The following ATP10A variants were observed in gnomAD, a reference collection of about 807,000 sequenced individuals.
The protein encoded by ATP10A is phospholipid-transporting ATPase VA.
ATP10A carries 111 observed loss-of-function variants against 147.8 expected under a neutral mutation model. The observed-to-expected ratio is 0.75, with a 90% CI of 0.64 to 0.88. The LOEUF is 0.88. ATP10A is among the 40% of genes least tolerant of loss of function. The probability of loss-of-function intolerance (pLI) is 0.00; values close to 1 mark genes in which losing one functional copy is unlikely to be tolerated. For synonymous variants in ATP10A, 875 were observed against 841.6 expected (o/e 1.04, Z -0.69); for missense variants, 1,927 against 1,959.0 (o/e 0.98, Z 0.31).
At chr15:25,725,378 T>G (rs1902481186) in intron 5 of ATP10A, among the ~76,000 whole-genome samples, 1 of 152,188 alleles carries the variant, frequency 6.6e-6, no homozygotes, top group Non-Finnish European at 1.5e-5. Flanking sequence ...CCAATACTAT[T>G]CCACTTCATG....
At chr15:25,735,559 A>T (rs1887221419) in intron 3 of ATP10A, among the ~76,000 whole-genome samples, 1 of 152,094 alleles carries the variant, frequency 6.6e-6, no homozygotes, top group Non-Finnish European at 1.5e-5. Context: ...TTTCCCCCAA[A>T]CTAGAATGAA....
chr15:25,846,296 A>G (rs1304206353), intron 1 of ATP10A, among the ~76,000 whole-genome samples: 1 of 152,184 alleles, frequency 6.6e-6, no homozygotes, highest in African/African-American at 2.4e-5. Flanking sequence ...AAAGGGTTAA[A>G]TGGCTAATTT....
intron 20 of ATP10A, 50 bp downstream of exon 20, chr15:25,680,071 C>A (rs764241498): frequency 1.3e-6 from 2 of 1,596,522 alleles, no homozygotes; most frequent in African/African-American, 1.3e-5. Context: ...ATGCCAATGT[C>A]GTCTGGGCTC....
intron 15 of ATP10A, among the ~76,000 whole-genome samples, chr15:25,689,376 C>T (rs1405028178): frequency 6.6e-6 from 1 of 152,186 alleles, no homozygotes; most frequent in African/African-American, 2.4e-5. Flanking sequence ...GACAGAACTT[C>T]CCAGGAGCTG....
chr15:25,859,900 A>G (rs557707806), intron 1 of ATP10A, among the ~76,000 whole-genome samples: 2 of 152,256 alleles, frequency 1.3e-5, no homozygotes, highest in South Asian at 4.2e-4. Context: ...ACTTCCAGCT[A>G]AAGTCTGCTC....
intron 13 of ATP10A, among the ~76,000 whole-genome samples, chr15:25,699,623 C>CT (rs1209844991): frequency 6.6e-6 from 1 of 152,158 alleles, no homozygotes; most frequent in Non-Finnish European, 1.5e-5. Context: ...AATCTCAGCA[C>CT]TTTGAGAGGC....
chr15:25,748,574 A>G (rs1415143792), intron 2 of ATP10A, among the ~76,000 whole-genome samples: 2 of 152,110 alleles, frequency 1.3e-5, no homozygotes, highest in East Asian at 1.9e-4. Flanking sequence ...CCCTTTACAC[A>G]TTGTATCAGG....
In ATP10A at chr15:25,730,313, A is replaced by G. The variant is rs1411613144; in HGVS notation, c.741-3047T>C. Among the ~76,000 whole-genome samples, 9 of 2,630 alleles carry G rather than the reference A, an allele frequency of 3.4e-3. 4 individuals are homozygous for G. Among genetic ancestry groups the G allele is most frequent in the Admixed American group, 8.1e-3 (2 of 246 alleles). The allele number at this position is 2,630 out of a possible 152,430, so 1.7% of individuals were successfully genotyped here. ...TGAGACTCTGTCTCAAAAAAAAAAA[A>G]AAAAAAAAAAAAAAAGAAGAAAGAA... On this transcript the variant is annotated intron_variant, in intron 3 of 20. Coordinates refer to ENST00000555815, the MANE Select transcript of ATP10A (RefSeq NM_024490.4).
At chr15:25,851,988 C>G (rs572325486) in intron 1 of ATP10A, among the ~76,000 whole-genome samples, 10 of 152,290 alleles carry the variant, frequency 6.6e-5, no homozygotes, top group African/African-American at 2.2e-4. Context: ...GCAGTTGTAA[C>G]AGGAATACTA....
Position 25,721,648 on chromosome 15 carries a change from C to T in ATP10A, c.1363+9G>A, listed in dbSNP as rs940314286. 1 of 1,610,352 alleles carries T rather than the reference C, an allele frequency of 6.2e-7. No homozygotes were observed. The highest frequency in any genetic ancestry group is 1.3e-5 in the African/African-American group (1 of 74,948). ...GCCTGGGTTGGGAGCCCCGCACCCC[C>T]AGACTCACCATTTGCATCATGAGAA... On this transcript the variant is annotated intron_variant, in intron 7 of 20. Coordinates refer to ENST00000555815, the MANE Select transcript of ATP10A (RefSeq NM_024490.4).
At chr15:25,687,914 C>G (rs189311119) in intron 15 of ATP10A, 86 bp from the exon 16 acceptor site, 3 of 1,583,618 alleles carry the variant, frequency 1.9e-6, no homozygotes, top group Non-Finnish European at 2.6e-6. Context: ...AGGTACACAA[C>G]AGGGAAGGAA....
At position 25,694,806 on chromosome 15, in the gene ATP10A, C is replaced by T; in HGVS notation, c.3088+13G>A. ...AGCTGGGAGGAGGCCGTCTGGCCAG[C>T]TGGGATACTTGCCTATGGCCAGGGT... On this transcript the variant is annotated intron_variant, in intron 14 of 20. Transcript: ENST00000555815. The T allele has an allele frequency of 6.3e-7, 1 of 1,595,120 alleles. No homozygotes were observed. The highest frequency in any genetic ancestry group is 8.6e-7 in the Non-Finnish European group (1 of 1,168,122).
At chr15:25,780,186 G>C (rs1247048700) in intron 2 of ATP10A, among the ~76,000 whole-genome samples, 3 of 152,254 alleles carry the variant, frequency 2.0e-5, no homozygotes, top group African/African-American at 7.2e-5. Context: ...AGGCCGATGG[G>C]GGAGGGCACT....
chr15:25,716,648 G>A, intron 9 of ATP10A, 82 bp downstream of exon 9: 2 of 1,350,504 alleles, frequency 1.5e-6, no homozygotes, highest in Non-Finnish European at 2.0e-6. Context: ...AAAGGGAAGG[G>A]CGCCTGCCCT....
intron 13 of ATP10A, among the ~76,000 whole-genome samples, chr15:25,699,814 G>A (rs1900563859): frequency 6.6e-6 from 1 of 152,140 alleles, no homozygotes; most frequent in Admixed American, 6.5e-5. Flanking sequence ...GCTGTAATGA[G>A]TTGCGATGGC....
chr15:25,780,895 T>C, intron 2 of ATP10A, 124 bp downstream of exon 2: 1 of 1,078,854 alleles, frequency 9.3e-7, no homozygotes, highest in Non-Finnish European at 1.3e-6. Context: ...CAGACTCGTC[T>C]ACTAGGAAAA....
chr15:25,712,077 G>A (rs906657774), intron 10 of ATP10A, among the ~76,000 whole-genome samples: 1 of 152,182 alleles, frequency 6.6e-6, no homozygotes, highest in Non-Finnish European at 1.5e-5. Context: ...CTCTGGGAAG[G>A]TACCAGAAAA....
chr15:25,777,171 C>G (rs1889656200), intron 2 of ATP10A, among the ~76,000 whole-genome samples: 1 of 151,750 alleles, frequency 6.6e-6, no homozygotes, highest in Non-Finnish European at 1.5e-5. Flanking sequence ...TTGGCCTGCT[C>G]CACACTTTCC....
In ATP10A at chr15:25,758,888, TACTCATTCTGATCACCTGCTCCACCCTA is replaced by T. The variant is rs1888597398; in HGVS notation, c.654+22103_654+22130del. On this transcript the variant is annotated intron_variant, in intron 2 of 20. Coordinates refer to ENST00000555815, the MANE Select transcript of ATP10A (RefSeq NM_024490.4). Reference sequence around the variant, plus strand: ...TCATTCCGACCACCTGCTCCACCCTTACTCATTCTGATCACCTGCTCCACCCTAACTCATTCTGATCACCTGCTATCTG... The same window carrying T: ...TCATTCCGACCACCTGCTCCACCCTTACTCATTCTGATCACCTGCTATCTG... Among the ~76,000 whole-genome samples the T allele has an allele frequency of 2.3e-5, 3 of 129,312 alleles. 1 individual carries two copies. Among genetic ancestry groups the T allele is most frequent in the South Asian group, 5.1e-4 (2 of 3,954 alleles). The allele number at this position is 129,312 out of a possible 152,430, so 84.8% of individuals were successfully genotyped here. A position where few individuals can be genotyped will look rare whatever the true frequency, so the allele number is the denominator to read the frequency against.
Sources: gnomAD v4.1 joint callset for allele counts (sites outside exome capture counted in the v4.1 genomes callset) on GRCh38, gnomAD v4.1.1 for gene constraint, MANE v1.5 for transcripts, NCBI Gene and HGNC (gene_info 2026-07-23, HGNC 2026-07-21) for gene names.